Variants in WBP1L observed in about 807,000 individuals in gnomAD.
WBP1L encodes the protein WW domain binding protein 1-like.
A neutral mutation model predicts 33.7 loss-of-function variants in WBP1L; 17 were observed. That is an observed-to-expected ratio of 0.50 (90% CI 0.34 to 0.76). The LOEUF is 0.76. Among genes scored for constraint, WBP1L ranks in the 30% least tolerant of loss-of-function variants. WBP1L has a pLI of 0.01. For synonymous variants in WBP1L, 173 were observed against 190.8 expected, an observed-to-expected ratio of 0.91 and a Z score of 0.77; for missense variants, 389 against 469.4, an observed-to-expected ratio of 0.83 and a Z score of 1.58.
chr10:102,768,854 AT>A (rs111447317), intron 1 of WBP1L, among the ~76,000 whole-genome samples: 1 of 146,552 alleles, frequency 6.8e-6, no homozygotes, highest in African/African-American at 2.5e-5. Flanking sequence ...CGCCCGGCTA[AT>A]TTTTTGTATT....
chr10:102,770,487 C>A (rs935072485), intron 1 of WBP1L, among the ~76,000 whole-genome samples: 4 of 152,122 alleles, frequency 2.6e-5, no homozygotes, highest in Non-Finnish European at 5.9e-5. Context: ...AATAAGATAC[C>A]CCTAGACCTT....
intron 1 of WBP1L, among the ~76,000 whole-genome samples, chr10:102,755,929 C>A (rs1435198130): frequency 1.3e-5 from 2 of 151,676 alleles, no homozygotes; most frequent in Non-Finnish European, 2.9e-5. Flanking sequence ...CCTGTAGTCC[C>A]AGCTACTCGG....
chr10:102,776,467 C>T (rs1211953724), intron 1 of WBP1L: 1 of 1,611,850 alleles, frequency 6.2e-7, no homozygotes, highest in Middle Eastern at 1.7e-4. Context: ...GGGGTGGGAG[C>T]TTGTTTATTG....
chr10:102,790,841 G>A (rs1363136145), intron 1 of WBP1L, among the ~76,000 whole-genome samples: 3 of 152,064 alleles, frequency 2.0e-5, no homozygotes, highest in Non-Finnish European at 1.5e-5. Flanking sequence ...AATCCTTTGT[G>A]CCGTGGCTGA....
chr10:102,808,119 C>T lies in WBP1L; in HGVS notation c.194-1774C>T, dbSNP rs182071475. Among the ~76,000 whole-genome samples, 295 of 152,048 alleles carry T rather than the reference C, an allele frequency of 1.9e-3. 4 individuals carry two copies. Among genetic ancestry groups the T allele is most frequent in the East Asian group, 3.3e-3 (17 of 5,170 alleles). On this transcript the variant is annotated intron_variant, in intron 2 of 3. Coordinates refer to ENST00000448841, the MANE Select transcript of WBP1L (RefSeq NM_001083913.2). The stretch of plus-strand genomic sequence containing the variant: ...GCTTGCGCCCAGAAGGTTGAGGCTT[C>T]GGTTGAGCTGTGATCGCACCACTGT...
intron 1 of WBP1L, among the ~76,000 whole-genome samples, chr10:102,767,881 G>C (rs1228439847): frequency 6.6e-6 from 1 of 152,174 alleles, no homozygotes; most frequent in Non-Finnish European, 1.5e-5. Context: ...TCACTCATTA[G>C]ATGTGTACAT....
At chr10:102,780,972 G>A (rs868223759) in intron 1 of WBP1L, among the ~76,000 whole-genome samples, 1 of 152,190 alleles carries the variant, frequency 6.6e-6, no homozygotes, top group South Asian at 2.1e-4. Context: ...GAGATGGGAT[G>A]ATCCCTGATA....
chr10:102,772,435 A>T (rs1843201528), intron 1 of WBP1L, among the ~76,000 whole-genome samples: 1 of 143,484 alleles, frequency 7.0e-6, no homozygotes, highest in African/African-American at 2.6e-5. Flanking sequence ...TAATTTTTCT[A>T]TTTTTAGTAG....
rs284855 is a variant in WBP1L at position 102,814,665 on chromosome 10, A to G, written c.*1334A>G. 84,852 of 149,938 alleles carry G rather than the reference A, an allele frequency of 0.57. 24,186 individuals carry two copies. Among genetic ancestry groups the G allele is most frequent in the Middle Eastern group, 0.65 (189 of 292 alleles). The allele number at this position is 149,938 out of a possible 1,614,324, so 9.3% of individuals were successfully genotyped here. On this transcript the variant is annotated 3_prime_UTR_variant, in exon 4 of 4. Coordinates refer to ENST00000448841, the MANE Select transcript of WBP1L (RefSeq NM_001083913.2). ...GGTGGCCCAGGCAGGAGGTGAAAGC[A>G]GCCATCCGGAAGGCCCTGGGGACCC...
In WBP1L at chr10:102,812,659, C is replaced by T. The variant is rs1334247883; in HGVS notation, c.420C>T (p.Pro140=). ...EEVVNRPPTP[P]PPYSAFQLQQ... is the part of the protein sequence containing the mutation. ...TGGTGAACCGACCTCCAACTCCTCC[C>T]CCACCATACAGTGCCTTCCAGCTAC... The change falls in exon 4 of 4, where the codon CCC becomes CCT. Residue 140 remains proline (P), a synonymous_variant. Coordinates refer to ENST00000448841, the MANE Select transcript of WBP1L (RefSeq NM_001083913.2). 1.9e-6 allele frequency: 3 copies of T among 1,609,942 alleles called. No individual in the cohort carries two copies. Among genetic ancestry groups the T allele is most frequent in the Non-Finnish European group, 2.5e-6 (3 of 1,178,244 alleles).
intron 1 of WBP1L, among the ~76,000 whole-genome samples, chr10:102,770,570 G>C (rs1490049028): frequency 6.6e-6 from 1 of 152,214 alleles, no homozygotes; most frequent in Non-Finnish European, 1.5e-5. Flanking sequence ...GTTCCCAAGA[G>C]CCATGTCCTA....
At chr10:102,808,977 G>A (rs954165633) in intron 2 of WBP1L, among the ~76,000 whole-genome samples, 5 of 152,222 alleles carry the variant, frequency 3.3e-5, no homozygotes, top group Admixed American at 2.6e-4. Context: ...ATAATACGGG[G>A]GGACCCATCA....
At chr10:102,767,321 G>A (rs1590172451) in intron 1 of WBP1L, among the ~76,000 whole-genome samples, 1 of 152,206 alleles carries the variant, frequency 6.6e-6, no homozygotes, top group Non-Finnish European at 1.5e-5. Context: ...GAAACCTTAG[G>A]AAGCTGTTGC....
chr10:102,766,903 CT>C (rs1843119432), intron 1 of WBP1L, among the ~76,000 whole-genome samples: 1 of 151,222 alleles, frequency 6.6e-6, no homozygotes, highest in Non-Finnish European at 1.5e-5. Flanking sequence ...TACATCCCTC[CT>C]TTTGTTCTTA....
intron 1 of WBP1L, among the ~76,000 whole-genome samples, chr10:102,766,448 A>AG (rs1374528912): frequency 6.7e-6 from 1 of 149,136 alleles, no homozygotes; most frequent in Non-Finnish European, 1.5e-5. Flanking sequence ...TCTCAAAAAA[A>AG]AAAAAAAAAA....
intron 1 of WBP1L, among the ~76,000 whole-genome samples, chr10:102,791,053 T>C (rs1019759264): frequency 3.9e-5 from 6 of 152,248 alleles, no homozygotes; most frequent in African/African-American, 1.4e-4. Context: ...TGTCACTATG[T>C]GCCAGTGGGC....
chr10:102,769,903 C>T (rs559708267), intron 1 of WBP1L, among the ~76,000 whole-genome samples: 1 of 152,268 alleles, frequency 6.6e-6, no homozygotes, highest in Admixed American at 6.5e-5. Context: ...TTATAGATAC[C>T]TTGTGGAAGA....
intron 1 of WBP1L, among the ~76,000 whole-genome samples, chr10:102,760,007 TCCAACA>T (rs1843017871): frequency 6.6e-6 from 1 of 152,230 alleles, no homozygotes; most frequent in Non-Finnish European, 1.5e-5. Context: ...TTTCAATTTC[TCCAACA>T]CTTGTTATGG....
chr10:102,809,516 C>T (rs1201651186), intron 2 of WBP1L, among the ~76,000 whole-genome samples: 9 of 151,630 alleles, frequency 5.9e-5, no homozygotes, highest in Middle Eastern at 3.4e-3. Flanking sequence ...GGATTACAGG[C>T]GCCTGCCACC....
Sources: gnomAD v4.1 joint callset for allele counts (sites outside exome capture counted in the v4.1 genomes callset) on GRCh38, gnomAD v4.1.1 for gene constraint, MANE v1.5 for transcripts, NCBI Gene and HGNC (gene_info 2026-07-23, HGNC 2026-07-21) for gene names.